YIPF4: variants seen among roughly 807,000 people sequenced by gnomAD.
The protein encoded by YIPF4 is protein YIPF4.
In YIPF4, 18 loss-of-function variants were observed where a neutral mutation model predicts 29.4. The observed-to-expected ratio is 0.61, with a 90% CI of 0.42 to 0.91. The LOEUF (loss-of-function observed/expected upper bound fraction) is 0.91, where lower values mean the gene tolerates loss of function less well. YIPF4 is among the 40% of genes least tolerant of loss of function. YIPF4 has a pLI of 0.00. For synonymous variants in YIPF4, 115 were observed against 104.7 expected, an observed-to-expected ratio of 1.10 and a Z score of -0.60; for missense variants, 279 against 282.7, an observed-to-expected ratio of 0.99 and a Z score of 0.09.
At chr2:32,304,416 CTT>C (rs74838110) in intron 5 of YIPF4, among the ~76,000 whole-genome samples, 11 of 144,246 alleles carry the variant, frequency 7.6e-5, no homozygotes, top group African/African-American at 1.0e-4. Flanking sequence ...CATAGGGTTA[CTT>C]TTTTTTTTTT....
rs181313202 is a variant in YIPF4 at position 32,279,473 on chromosome 2, C to T, written c.79+1239C>T. 9.9e-3 allele frequency among the ~76,000 whole-genome samples: 1,447 copies of T among 145,752 alleles called. 20 individuals carry two copies. The highest frequency in any genetic ancestry group is 0.035 in the African/African-American group (1,374 of 39,166). ...AGTGCAGTGATGCCATCTCGGCTCACTGCGAGCTCTGCCTCCCGGGTTCAC... is the reference window on the plus strand; with the variant it reads ...AGTGCAGTGATGCCATCTCGGCTCATTGCGAGCTCTGCCTCCCGGGTTCAC... On this transcript the variant is annotated intron_variant, in intron 1 of 5. Transcript: ENST00000238831.
chr2:32,288,621 C>A (rs910577381), intron 1 of YIPF4, among the ~76,000 whole-genome samples: 5 of 152,082 alleles, frequency 3.3e-5, no homozygotes, highest in African/African-American at 1.2e-4. Context: ...ACCAGCCTGG[C>A]CAACATGGCA....
chr2:32,290,347 TTGA>T (rs2030856891), intron 1 of YIPF4, 133 bp from the exon 2 acceptor site: 2 of 508,990 alleles, frequency 3.9e-6, no homozygotes, highest in African/African-American at 4.0e-5. Context: ...ACTATAAAAT[TTGA>T]AGATTATATG....
rs545461617 is a variant in YIPF4 at position 32,316,185 on chromosome 2, G to T, written c.*10559G>T. The T allele has an allele frequency of 7.2e-5, 11 of 152,148 alleles. No homozygotes were observed. In the South Asian group the frequency reaches 1.9e-3, roughly 26 times the overall value. 9.4% of individuals were successfully genotyped at this position (152,148 alleles called of 1,614,324 possible). A position where few individuals can be genotyped will look rare whatever the true frequency, so the allele number is the denominator to read the frequency against. ...TATTTGTAGGACTTATGTAGACAAA[G>T]GACTAATTTTCTTAATAAAAACATT... On this transcript the variant is annotated 3_prime_UTR_variant, in exon 6 of 6. Transcript: ENST00000238831.
intron 1 of YIPF4, among the ~76,000 whole-genome samples, chr2:32,280,179 G>A (rs1282388340): frequency 6.6e-6 from 1 of 151,722 alleles, no homozygotes; most frequent in Non-Finnish European, 1.5e-5. Context: ...CCAGGCTGGA[G>A]TGCAGTGGTG....
intron 2 of YIPF4, among the ~76,000 whole-genome samples, chr2:32,291,507 G>A (rs1398079254): frequency 6.6e-6 from 1 of 152,176 alleles, no homozygotes; most frequent in South Asian, 2.1e-4. Flanking sequence ...TTGCCCCACC[G>A]CACTCCAGCC....
chr2:32,287,966 A>G (rs2030748285), intron 1 of YIPF4, among the ~76,000 whole-genome samples: 1 of 152,232 alleles, frequency 6.6e-6, no homozygotes, highest in Non-Finnish European at 1.5e-5. Flanking sequence ...CTGGACGTCT[A>G]TCCAAGAGCT....
In YIPF4 at chr2:32,301,480, G is replaced by C; in HGVS notation, c.582G>C (p.Val194=). ...VLLVVGSFEV[V]STLIKLFGVF... is the part of the protein sequence containing the mutation. ...TGGTGGTTGGATCATTTGAAGTGGT[G>C]TCTACACTTATAAAAGTAAGTTAAG... Residue 194 remains valine (V), a synonymous_variant, in exon 5 of 6, where the codon GTG becomes GTC. Coordinates refer to ENST00000238831, the MANE Select transcript of YIPF4 (RefSeq NM_032312.4). The C allele has an allele frequency of 6.2e-7, 1 of 1,607,652 alleles. No individual in the cohort carries two copies. Among genetic ancestry groups the C allele is most frequent in the South Asian group, 1.1e-5 (1 of 90,724 alleles).
intron 1 of YIPF4, 73 bp from the exon 2 acceptor site, chr2:32,290,410 A>G: frequency 1.8e-6 from 2 of 1,137,606 alleles, no homozygotes; most frequent in Non-Finnish European, 2.3e-6. Context: ...TTTTAGTTGA[A>G]TATCTGCTCA....
At chr2:32,296,787 T>G (rs140501153) in intron 3 of YIPF4, among the ~76,000 whole-genome samples, 42 of 152,368 alleles carry the variant, frequency 2.8e-4, no homozygotes, top group African/African-American at 8.7e-4. Flanking sequence ...ACTTTGCAAC[T>G]ATGCAAATAT....
intron 4 of YIPF4, among the ~76,000 whole-genome samples, chr2:32,299,153 T>A (rs974095951): frequency 2.0e-5 from 3 of 152,154 alleles, no homozygotes; most frequent in Non-Finnish European, 2.9e-5. Flanking sequence ...GGATTACCGG[T>A]GTGAACCACT....
Position 32,306,420 on chromosome 2 carries a change from T to G in YIPF4, c.*794T>G, listed in dbSNP as rs1019263363. 24 of 984,316 alleles carry G rather than the reference T, an allele frequency of 2.4e-5. No homozygotes were observed. Among genetic ancestry groups the G allele is most frequent in the Non-Finnish European group, 2.7e-5 (22 of 828,686 alleles). 61.0% of individuals were successfully genotyped at this position (984,316 alleles called of 1,614,324 possible). ...TGGATATGGCATTCATTAAAATCTTTACTATGTACAAAAACAGTAATATTT... is the reference window on the plus strand; with the variant it reads ...TGGATATGGCATTCATTAAAATCTTGACTATGTACAAAAACAGTAATATTT... On this transcript the variant is annotated 3_prime_UTR_variant, in exon 6 of 6. Transcript: ENST00000238831.
At chr2:32,278,308 C>T (rs895798872) in intron 1 of YIPF4, 74 bp downstream of exon 1, 1 of 1,416,832 alleles carries the variant, frequency 7.1e-7, no homozygotes, top group Admixed American at 2.4e-5. Flanking sequence ...TTTCTGGTGC[C>T]GAGGTGGTCG....
chr2:32,305,837 T>C lies in YIPF4; in HGVS notation c.*211T>C. The stretch of plus-strand genomic sequence containing the variant: ...ATTTTTGGGTCAGAATTTTAAATTC[T>C]GTTTGATTCTCCATATTCCAGTGAA... On this transcript the variant is annotated 3_prime_UTR_variant, in exon 6 of 6. Coordinates refer to ENST00000238831, the MANE Select transcript of YIPF4 (RefSeq NM_032312.4). 8.4e-7 allele frequency: 1 copy of C among 1,194,588 alleles called. No individual in the cohort carries two copies. The allele number at this position is 1,194,588 out of a possible 1,614,324, so 74.0% of individuals were successfully genotyped here.
At position 32,316,440 on chromosome 2, in the gene YIPF4, C is replaced by T. The variant is rs566896742; in HGVS notation, c.*10814C>T. The stretch of plus-strand genomic sequence containing the variant: ...AAAACTTTAAAAGATTAATAATATC[C>T]AGTATTGGTTGGGATTATAAGCAGA... On this transcript the variant is annotated 3_prime_UTR_variant, in exon 6 of 6. Coordinates refer to ENST00000238831, the MANE Select transcript of YIPF4 (RefSeq NM_032312.4). 11 of 152,130 alleles carry T rather than the reference C, an allele frequency of 7.2e-5. No homozygotes were observed. In the South Asian group the frequency reaches 2.3e-3, roughly 32 times the overall value. 9.4% of individuals were successfully genotyped at this position (152,130 alleles called of 1,614,324 possible).
rs1458501637 is a variant in YIPF4 at position 32,306,013 on chromosome 2, GT to G, written c.*391del. On this transcript the variant is annotated 3_prime_UTR_variant, in exon 6 of 6. Coordinates refer to ENST00000238831, the MANE Select transcript of YIPF4 (RefSeq NM_032312.4). ...AAAGTGCAATTTTTTTCTTCAAAAT[GT>G]TTTCTCCAGCATCACAGATCCTGCA... The G allele has an allele frequency of 1.0e-6, 1 of 975,964 alleles. No individual in the cohort carries two copies. The highest frequency in any genetic ancestry group is 1.2e-6 in the Non-Finnish European group (1 of 821,518). 60.5% of individuals were successfully genotyped at this position (975,964 alleles called of 1,614,324 possible). A position where few individuals can be genotyped will look rare whatever the true frequency, so the allele number is the denominator to read the frequency against.
chr2:32,281,222 T>C (rs1411836627), intron 1 of YIPF4, among the ~76,000 whole-genome samples: 2 of 151,726 alleles, frequency 1.3e-5, no homozygotes, highest in South Asian at 2.1e-4. Context: ...ATTTTAAGTA[T>C]ACTACTCATT....
intron 5 of YIPF4, among the ~76,000 whole-genome samples, chr2:32,303,785 T>G (rs2031484894): frequency 6.6e-6 from 1 of 152,216 alleles, no homozygotes; most frequent in South Asian, 2.1e-4. Context: ...CCTAAAGCCT[T>G]TTTTTGAAAT....
At chr2:32,291,335 G>C (rs2030905195) in intron 2 of YIPF4, among the ~76,000 whole-genome samples, 4 of 152,204 alleles carry the variant, frequency 2.6e-5, no homozygotes, top group Admixed American at 2.6e-4. Context: ...AGAAGTTCAA[G>C]ATGAGCCTGG....
Sources: gnomAD v4.1 joint callset for allele counts (sites outside exome capture counted in the v4.1 genomes callset) on GRCh38, gnomAD v4.1.1 for gene constraint, MANE v1.5 for transcripts, NCBI Gene and HGNC (gene_info 2026-07-23, HGNC 2026-07-21) for gene names.